Variants in LARP4B observed in about 807,000 individuals in gnomAD.
The protein encoded by LARP4B is la-related protein 4B.
In LARP4B, 12 loss-of-function variants were observed where a neutral mutation model predicts 89.8. That is an observed-to-expected ratio of 0.13 (90% CI 0.09 to 0.22). The LOEUF is 0.22. Ranked by LOEUF, LARP4B falls within the 10% of genes least tolerant of loss-of-function variation. The pLI, the probability that LARP4B is intolerant of heterozygous loss-of-function variation, is 1.00. For synonymous variants in LARP4B, 367 were observed against 363.3 expected, an observed-to-expected ratio of 1.01 and a Z score of -0.12; for missense variants, 757 against 947.7, an observed-to-expected ratio of 0.80 and a Z score of 2.64.
At chr10:972,523 G>T in the LARP4B span, 1 of 457,172 alleles carries the variant, frequency 2.2e-6, no homozygotes, top group Admixed American at 2.3e-5. Context: ...AGGTTCCAAA[G>T]GGGTTCATGT....
At chr10:877,142 T>C (rs1293101621) in intron 3 of LARP4B, among the ~76,000 whole-genome samples, 1 of 152,202 alleles carries the variant, frequency 6.6e-6, no homozygotes, top group African/African-American at 2.4e-5. Flanking sequence ...GCAAATGTGA[T>C]GGGCCTGTGA....
chr10:939,987 T>TA, the LARP4B span, among the ~76,000 whole-genome samples: 1 of 148,308 alleles, frequency 6.7e-6, no homozygotes, highest in African/African-American at 2.5e-5. Flanking sequence ...CTGGGATTAC[T>TA]GGCATGTGCC....
intron 1 of LARP4B, among the ~76,000 whole-genome samples, chr10:904,729 C>T (rs928293629): frequency 1.2e-4 from 19 of 152,120 alleles, no homozygotes; most frequent in Non-Finnish European, 2.6e-4. Context: ...GGTACTGTGG[C>T]GATGTCACTG....
chr10:962,136 T>A, the LARP4B span, among the ~76,000 whole-genome samples: 1 of 151,448 alleles, frequency 6.6e-6, no homozygotes, highest in East Asian at 1.9e-4. Context: ...CTGCTAAAAA[T>A]ACAAAAAAAA....
At chr10:860,522 A>C (rs1351706879) in intron 5 of LARP4B, among the ~76,000 whole-genome samples, 1 of 152,250 alleles carries the variant, frequency 6.6e-6, no homozygotes, top group East Asian at 1.9e-4. Context: ...TCTTGCTGAC[A>C]AATGTTCACT....
At chr10:858,147 C>T (rs559870419) in intron 5 of LARP4B, among the ~76,000 whole-genome samples, 1 of 152,324 alleles carries the variant, frequency 6.6e-6, no homozygotes, top group South Asian at 2.1e-4. Flanking sequence ...CCTCTATATT[C>T]TTGTAGGCCC....
At chr10:940,346 G>A in the LARP4B span, among the ~76,000 whole-genome samples, 1 of 152,040 alleles carries the variant, frequency 6.6e-6, no homozygotes, top group Non-Finnish European at 1.5e-5. Context: ...CAGAGATGAG[G>A]TTTCACCATG....
chr10:829,055 C>G (rs1273082691), intron 11 of LARP4B, among the ~76,000 whole-genome samples: 1 of 152,220 alleles, frequency 6.6e-6, no homozygotes, highest in Admixed American at 6.5e-5. Flanking sequence ...TATTAAACAC[C>G]TCTTCCTCCT....
rs369493221 is a variant in LARP4B, at chr10:813,067, T to C, written c.2076A>G (p.Arg692=). The C allele has an allele frequency of 3.5e-5, 56 of 1,614,092 alleles. No individual in the cohort carries two copies. Among genetic ancestry groups the C allele is most frequent in the Non-Finnish European group, 4.7e-5 (55 of 1,180,020 alleles). Reference sequence around the variant, plus strand: ...ACTTGAGGGCTGGGGGCTCCCGGTATCTCTCTGCGGGCTCTGCCAGCTTCT... The same window carrying C: ...ACTTGAGGGCTGGGGGCTCCCGGTACCTCTCTGCGGGCTCTGCCAGCTTCT... The part of the protein sequence containing the change: ...EEKKLAEPAE[R]YREPPALKST... The change falls in exon 18 of 18, where the codon AGA becomes AGG. Residue 692 remains arginine (R), a synonymous_variant. Transcript: ENST00000316157.
chr10:949,500 G>A, the LARP4B span, among the ~76,000 whole-genome samples: 13 of 132,800 alleles, frequency 9.8e-5, no homozygotes, highest in Admixed American at 7.6e-5. Context: ...TACATCCCAC[G>A]AGCCCCAGGT....
At chr10:838,649 A>G (rs1833358304) in intron 7 of LARP4B, among the ~76,000 whole-genome samples, 1 of 152,194 alleles carries the variant, frequency 6.6e-6, no homozygotes, top group Non-Finnish European at 1.5e-5. Context: ...AGGAACTCCC[A>G]TTCACTGCCG....
chr10:919,581 GT>G (rs1836924977), intron 1 of LARP4B, among the ~76,000 whole-genome samples: 1 of 145,686 alleles, frequency 6.9e-6, no homozygotes, highest in South Asian at 2.1e-4. Flanking sequence ...ATTTGCTGTA[GT>G]TTCTTAAGAG....
chr10:868,830 G>C (rs1484048287), intron 3 of LARP4B, among the ~76,000 whole-genome samples: 1 of 152,174 alleles, frequency 6.6e-6, no homozygotes, highest in African/African-American at 2.4e-5. Context: ...GTTGACATTT[G>C]AGCCATCTCT....
chr10:880,151 G>C (rs1485013108), intron 3 of LARP4B, among the ~76,000 whole-genome samples: 2 of 152,142 alleles, frequency 1.3e-5, no homozygotes, highest in African/African-American at 2.4e-5. Context: ...AACATACCAA[G>C]AGCAGCCACG....
At chr10:833,052 ATGGGAGAGCATGGCTGTAAG>A (rs1431798100) in intron 8 of LARP4B, among the ~76,000 whole-genome samples, 1 of 152,034 alleles carries the variant, frequency 6.6e-6, no homozygotes, top group Non-Finnish European at 1.5e-5. Flanking sequence ...ATGGCTGTAA[ATGGGAGAGCATGGCTGTAAG>A]GTAAAGAGGC....
intron 3 of LARP4B, among the ~76,000 whole-genome samples, chr10:870,240 G>A (rs1453461852): frequency 1.3e-5 from 2 of 152,084 alleles, no homozygotes; most frequent in African/African-American, 4.8e-5. Context: ...GAAAATGCTG[G>A]GTTTCCTAAC....
intron 5 of LARP4B, 104 bp downstream of exon 5, chr10:863,639 G>T: frequency 8.0e-7 from 1 of 1,246,732 alleles, no homozygotes; most frequent in Non-Finnish European, 1.1e-6. Context: ...TTAAAAGCAG[G>T]CAAAGAAAGA....
intron 1 of LARP4B, among the ~76,000 whole-genome samples, chr10:908,170 G>A (rs1253694774): frequency 6.6e-6 from 1 of 152,132 alleles, no homozygotes; most frequent in African/African-American, 2.4e-5. Context: ...CCAAGATCAT[G>A]CCACTGCACT....
At chr10:817,926 G>C in intron 14 of LARP4B, 37 bp from the exon 15 acceptor site, 1 of 1,587,258 alleles carries the variant, frequency 6.3e-7, no homozygotes, top group Non-Finnish European at 8.6e-7. Context: ...ACGGTATGGA[G>C]AGAGAAGGCC....
Sources: allele counts gnomAD v4.1 joint callset (sites outside exome capture counted in the v4.1 genomes callset), GRCh38; gene constraint gnomAD v4.1.1; transcripts MANE v1.5; gene names NCBI Gene and HGNC (gene_info 2026-07-23, HGNC 2026-07-21).